The following RSRC1 variants were observed in gnomAD, a reference collection of about 807,000 sequenced individuals.
The protein encoded by RSRC1 is serine/Arginine-related protein 53.
A neutral mutation model predicts 49.1 loss-of-function variants in RSRC1; 39 were observed. The ratio of observed to expected loss-of-function variants is 0.79; its 90% CI spans 0.61 to 1.04. The LOEUF (loss-of-function observed/expected upper bound fraction) is 1.04, where lower values mean the gene tolerates loss of function less well. Among genes scored for constraint, RSRC1 ranks in the 50% least tolerant of loss-of-function variants. RSRC1 has a pLI of 0.00. For synonymous variants in RSRC1, 143 were observed against 130.8 expected (o/e 1.09, Z -0.63); for missense variants, 388 against 402.4 (o/e 0.96, Z 0.31).
chr3:158,377,909 C>T (rs968002355), intron 6 of RSRC1, among the ~76,000 whole-genome samples: 3 of 152,148 alleles, frequency 2.0e-5, no homozygotes, highest in Non-Finnish European at 4.4e-5. Flanking sequence ...GATCTGCCCC[C>T]CTCAGCCTTT....
chr3:158,292,055 A>G (rs1403563329), intron 4 of RSRC1, among the ~76,000 whole-genome samples: 1 of 152,218 alleles, frequency 6.6e-6, no homozygotes, highest in Non-Finnish European at 1.5e-5. Context: ...CACGCCTAAG[A>G]TTAAAACTAT....
At chr3:158,435,929 A>G (rs753741277) in intron 6 of RSRC1, among the ~76,000 whole-genome samples, 2 of 151,360 alleles carry the variant, frequency 1.3e-5, no homozygotes, top group African/African-American at 2.4e-5. Context: ...TAATATTCAT[A>G]TGGCTAGAAT....
intron 3 of RSRC1, among the ~76,000 whole-genome samples, chr3:158,175,601 C>A (rs1381943848): frequency 2.0e-5 from 3 of 152,044 alleles, no homozygotes; most frequent in African/African-American, 7.2e-5. Flanking sequence ...ATGGTTGGTT[C>A]ATATGGATTC....
intron 7 of RSRC1, among the ~76,000 whole-genome samples, chr3:158,509,378 A>G (rs1740032689): frequency 6.6e-6 from 1 of 152,236 alleles, no homozygotes; most frequent in Admixed American, 6.5e-5. Flanking sequence ...GAGATACAGA[A>G]AAATGAAAAC....
chr3:158,269,675 G>C (rs568939045), intron 4 of RSRC1, among the ~76,000 whole-genome samples: 7 of 152,170 alleles, frequency 4.6e-5, no homozygotes, highest in South Asian at 4.2e-4. Context: ...ACCATGCCCA[G>C]CTAATTTTTG....
chr3:158,287,011 A>G (rs1214755177), intron 4 of RSRC1, among the ~76,000 whole-genome samples: 2 of 152,152 alleles, frequency 1.3e-5, no homozygotes, highest in Admixed American at 6.5e-5. Context: ...TATTTTTAGT[A>G]GAGACAGGGT....
rs1291585420 is a variant in RSRC1 at position 158,124,245 on chromosome 3, A to G, written c.320+254A>G. Among the ~76,000 whole-genome samples the G allele has an allele frequency of 3.3e-5, 5 of 151,986 alleles. 1 individual carries two copies. Among genetic ancestry groups the G allele is most frequent in the African/African-American group, 9.7e-5 (4 of 41,392 alleles). ...TTGGCCGGGGTGTACGTGGCTTCTCATTGTCCAGTAGGCTAGATTGGGTTT... is the reference window on the plus strand; with the variant it reads ...TTGGCCGGGGTGTACGTGGCTTCTCGTTGTCCAGTAGGCTAGATTGGGTTT... On this transcript the variant is annotated intron_variant, in intron 3 of 9. Coordinates refer to ENST00000611884, the MANE Select transcript of RSRC1 (RefSeq NM_001271838.2).
chr3:158,139,574 A>T (rs1383542326), intron 3 of RSRC1, among the ~76,000 whole-genome samples: 2 of 151,988 alleles, frequency 1.3e-5, no homozygotes, highest in African/African-American at 4.8e-5. Flanking sequence ...ACTTAGAATA[A>T]ACTGCATTCA....
At chr3:158,456,112 TAACA>T (rs901372476) in intron 6 of RSRC1, among the ~76,000 whole-genome samples, 4 of 148,730 alleles carry the variant, frequency 2.7e-5, no homozygotes, top group African/African-American at 9.8e-5. Context: ...AAAGTGGACA[TAACA>T]AACAACCCCA....
chr3:158,336,158 C>T (rs1461673211), intron 5 of RSRC1, among the ~76,000 whole-genome samples: 5 of 152,222 alleles, frequency 3.3e-5, no homozygotes, highest in Non-Finnish European at 7.3e-5. Context: ...GAAGATGCTG[C>T]GGTTGTCCTC....
chr3:158,422,695 G>C (rs976601669), intron 6 of RSRC1, among the ~76,000 whole-genome samples: 11 of 150,992 alleles, frequency 7.3e-5, no homozygotes, highest in East Asian at 1.9e-4. Context: ...CCCACCAACA[G>C]TGTAAAAGTG....
intron 5 of RSRC1, among the ~76,000 whole-genome samples, chr3:158,309,456 C>G (rs923306790): frequency 6.6e-6 from 1 of 151,686 alleles, no homozygotes; most frequent in Non-Finnish European, 1.5e-5. Flanking sequence ...ATAATTCTAG[C>G]ATTTAATAAA....
intron 6 of RSRC1, among the ~76,000 whole-genome samples, chr3:158,425,305 A>C (rs1203647964): frequency 6.6e-6 from 1 of 152,098 alleles, no homozygotes; most frequent in Non-Finnish European, 1.5e-5. Context: ...ATTTCAAAGA[A>C]CATCTTTATT....
At chr3:158,227,944 CA>C (rs1404100331) in intron 4 of RSRC1, among the ~76,000 whole-genome samples, 1 of 152,000 alleles carries the variant, frequency 6.6e-6, no homozygotes, top group East Asian at 1.9e-4. Flanking sequence ...TCTAGACTGC[CA>C]AACCCTGTTG....
chr3:158,361,662 C>G (rs1032572194), intron 6 of RSRC1, among the ~76,000 whole-genome samples: 2 of 152,220 alleles, frequency 1.3e-5, no homozygotes, highest in Non-Finnish European at 2.9e-5. Flanking sequence ...GCTTAAGGTT[C>G]TAAAGTTCTA....
intron 6 of RSRC1, among the ~76,000 whole-genome samples, chr3:158,435,805 TAGA>T (rs1560041740): frequency 1.3e-5 from 2 of 151,756 alleles, no homozygotes; most frequent in East Asian, 3.9e-4. Flanking sequence ...ATCTTTTAAC[TAGA>T]AGATGAGGTT....
intron 5 of RSRC1, among the ~76,000 whole-genome samples, chr3:158,304,217 G>A (rs1727722503): frequency 6.6e-6 from 1 of 152,102 alleles, no homozygotes; most frequent in African/African-American, 2.4e-5. Context: ...ATATAGTTCT[G>A]CTTGCCAGAA....
chr3:158,278,207 A>G (rs1414737045), intron 4 of RSRC1, among the ~76,000 whole-genome samples: 2 of 152,238 alleles, frequency 1.3e-5, no homozygotes, highest in Admixed American at 6.5e-5. Flanking sequence ...TTCACTGTTG[A>G]CACTTCTGAT....
intron 7 of RSRC1, among the ~76,000 whole-genome samples, chr3:158,514,212 G>A (rs760621804): frequency 1.3e-5 from 2 of 152,090 alleles, no homozygotes; most frequent in Non-Finnish European, 2.9e-5. Context: ...TGATGTTAGG[G>A]TGTCAATTTT....
Sources: gnomAD v4.1 joint callset for allele counts (sites outside exome capture counted in the v4.1 genomes callset) on GRCh38, gnomAD v4.1.1 for gene constraint, MANE v1.5 for transcripts, NCBI Gene and HGNC (gene_info 2026-07-23, HGNC 2026-07-21) for gene names.